Variants in TASOR observed in about 807,000 individuals in gnomAD.
TASOR encodes transcription activation suppressor.
TASOR carries 53 observed loss-of-function variants against 178.6 expected under a neutral mutation model. The observed-to-expected ratio is 0.30, with a 90% confidence interval of 0.24 to 0.37. The LOEUF is 0.37. Ranked by LOEUF, TASOR falls within the 10% of genes least tolerant of loss-of-function variation. The probability of loss-of-function intolerance (pLI) is 1.00; values close to 1 mark genes in which losing one functional copy is unlikely to be tolerated. For synonymous variants in TASOR, 713 were observed against 696.2 expected (o/e 1.02, Z -0.38); for missense variants, 1,815 against 1,971.4 (o/e 0.92, Z 1.50).
In TASOR at chr3:56,632,975, C is replaced by T. The variant is rs143182598; in HGVS notation, c.3747+69G>A. ...CAAAACATTTAAATACAAAAAACTT[C>T]CATTTTATAGAGGTCACACCAACAA... On this transcript the variant is annotated intron_variant, in intron 18 of 23. Coordinates refer to ENST00000683822, the MANE Select transcript of TASOR (RefSeq NM_001365635.2). 5.7e-4 allele frequency: 715 copies of T among 1,260,370 alleles called. 10 individuals are homozygous for T. The African/African-American group carries it at 9.9e-3, about 17-fold the overall frequency. The allele number at this position is 1,260,370 out of a possible 1,614,324, so 78.1% of individuals were successfully genotyped here. A position where few individuals can be genotyped will look rare whatever the true frequency, so the allele number is the denominator to read the frequency against.
intron 18 of TASOR, among the ~76,000 whole-genome samples, chr3:56,631,576 G>GTTTTTTTTT (rs796072760): frequency 9.0e-6 from 1 of 111,016 alleles, no homozygotes. Context: ...GTGTGTCTGT[G>GTTTTTTTTT]TTTTTTTGTT....
chr3:56,627,637 A>G lies in TASOR; in HGVS notation c.3975T>C (p.Ser1325=). ...KNHTYNELFV[S]GGFIVSDESI... is the part of the protein sequence containing the mutation. Reference sequence around the variant, plus strand: ...ATTCATCAGATACGATAAAACCTCCAGATACAAATAATTCATTGTATGTAT... The same window carrying G: ...ATTCATCAGATACGATAAAACCTCCGGATACAAATAATTCATTGTATGTAT... Residue 1325 remains serine, a synonymous_variant, in exon 20 of 24, where the codon TCT becomes TCC. Transcript: ENST00000683822. 6.2e-7 allele frequency: 1 copy of G among 1,614,140 alleles called. No homozygotes were observed. Among genetic ancestry groups the G allele is most frequent in the East Asian group, 2.2e-5 (1 of 44,872 alleles).
intron 11 of TASOR, among the ~76,000 whole-genome samples, chr3:56,658,357 A>C (rs910218388): frequency 6.6e-6 from 1 of 152,172 alleles, no homozygotes; most frequent in Non-Finnish European, 1.5e-5. Flanking sequence ...TGATCCTCAT[A>C]TCAGTAACCG....
intron 15 of TASOR, among the ~76,000 whole-genome samples, chr3:56,640,530 G>A (rs1301378889): frequency 6.6e-6 from 1 of 151,924 alleles, no homozygotes; most frequent in Non-Finnish European, 1.5e-5. Flanking sequence ...AAATACAAAA[G>A]ATATCAGAAA....
At chr3:56,666,993 A>G (rs908027182) in intron 6 of TASOR, among the ~76,000 whole-genome samples, 1 of 152,212 alleles carries the variant, frequency 6.6e-6, no homozygotes, top group Admixed American at 6.5e-5. Context: ...ACAAAGTAGT[A>G]CAGTTCTTCA....
Position 56,622,918 on chromosome 3 carries a change from T to C in TASOR, c.*119A>G. On this transcript the variant is annotated 3_prime_UTR_variant, in exon 24 of 24. Transcript: ENST00000683822. ...ATGCTTCAACTGTTACAGGCCATCA[T>C]GATTTAAATAAAAGAAAAAACATTT... 3.4e-6 allele frequency: 2 copies of C among 592,824 alleles called. No homozygotes were observed. The highest frequency in any genetic ancestry group is 5.5e-6 in the Non-Finnish European group (2 of 360,904). 36.7% of individuals were successfully genotyped at this position (592,824 alleles called of 1,614,324 possible).
In TASOR at chr3:56,633,353, G is replaced by A. The variant is rs756314153; in HGVS notation, c.3438C>T (p.Asn1146=). ...CCGAAGTGGAATGCTGCTCATCAGA[G>A]TTGGTATCTTTCAAAGGATCACTAC... ...PLCSDPLKDT[N]SDEQHSTSAL... The change falls in exon 18 of 24, where the codon AAC becomes AAT. Residue 1146 remains asparagine (N), a synonymous_variant. Transcript: ENST00000683822. The A allele has an allele frequency of 9.3e-6, 15 of 1,614,184 alleles. No individual in the cohort carries two copies. The South Asian group carries it at 1.5e-4, about 17-fold the overall frequency.
At chr3:56,669,636 T>C (rs1315774999) in intron 5 of TASOR, 64 bp downstream of exon 5, 23 of 1,003,650 alleles carry the variant, frequency 2.3e-5, no homozygotes, top group Non-Finnish European at 3.3e-5. Flanking sequence ...AACAGCATCA[T>C]CTAAAAATTA....
intron 21 of TASOR, among the ~76,000 whole-genome samples, chr3:56,626,404 T>C (rs2076800129): frequency 6.6e-6 from 1 of 152,072 alleles, no homozygotes; most frequent in Admixed American, 6.6e-5. Context: ...AAGTAGTCAG[T>C]TGGGAGAGGG....
Position 56,621,534 on chromosome 3 carries a change from C to T in TASOR, c.*1503G>A, listed in dbSNP as rs913980897. ...AACATATATCAATGTGATTTCAGGG[C>T]CTTCTCCAGAAGCAAAAGGAGTTGG... On this transcript the variant is annotated 3_prime_UTR_variant, in exon 24 of 24. Transcript: ENST00000683822. The T allele has an allele frequency of 6.3e-7, 1 of 1,584,960 alleles. No individual in the cohort carries two copies. Among genetic ancestry groups the T allele is most frequent in the Non-Finnish European group, 8.6e-7 (1 of 1,165,512 alleles).
chr3:56,680,811 T>TC (rs1443015737), intron 1 of TASOR, among the ~76,000 whole-genome samples: 3 of 152,130 alleles, frequency 2.0e-5, no homozygotes, highest in African/African-American at 7.2e-5. Flanking sequence ...TATATTTTCC[T>TC]CCCAACTTTT....
intron 15 of TASOR, 79 bp from the exon 16 acceptor site, chr3:56,640,209 A>T: frequency 7.7e-7 from 1 of 1,292,326 alleles, no homozygotes; most frequent in Non-Finnish European, 1.1e-6. Flanking sequence ...TTTCACTGAA[A>T]ATTCACGTGC....
chr3:56,620,496 C>G lies in TASOR; in HGVS notation c.*2541G>C, dbSNP rs1387655131. ...TTAGTTTTGATTCACTATATACTCT[C>G]TGTACTTGAGGAAGAGTAAGCTGTG... On this transcript the variant is annotated 3_prime_UTR_variant, in exon 24 of 24. Transcript: ENST00000683822. 6.6e-6 allele frequency: 1 copy of G among 152,222 alleles called. No individual in the cohort carries two copies. The highest frequency in any genetic ancestry group is 1.5e-5 in the Non-Finnish European group (1 of 68,086). 9.4% of individuals were successfully genotyped at this position (152,222 alleles called of 1,614,324 possible).
intron 18 of TASOR, among the ~76,000 whole-genome samples, chr3:56,629,919 C>G (rs71309971): frequency 0.022 from 3,330 of 151,900 alleles, 69 homozygotes; most frequent in Non-Finnish European, 0.037. Flanking sequence ...CTCAGACCAG[C>G]TTAGTCAGTT....
chr3:56,682,200 T>C (rs1381091634), intron 1 of TASOR, among the ~76,000 whole-genome samples: 1 of 152,190 alleles, frequency 6.6e-6, no homozygotes, highest in Non-Finnish European at 1.5e-5. Flanking sequence ...ATCAAGCACA[T>C]TTCAAGTAGA....
At chr3:56,674,921 C>A (rs970901775) in intron 1 of TASOR, among the ~76,000 whole-genome samples, 1 of 152,142 alleles carries the variant, frequency 6.6e-6, no homozygotes, top group African/African-American at 2.4e-5. Flanking sequence ...AAGGTACACA[C>A]CATTCTCCTG....
chr3:56,626,021 T>G (rs1196805100), intron 21 of TASOR, among the ~76,000 whole-genome samples: 1 of 152,256 alleles, frequency 6.6e-6, no homozygotes, highest in Non-Finnish European at 1.5e-5. Context: ...AAAAATTATT[T>G]AAGCCTTAAT....
intron 1 of TASOR, among the ~76,000 whole-genome samples, chr3:56,676,989 ATT>A (rs1283083316): frequency 6.6e-6 from 1 of 152,218 alleles, no homozygotes; most frequent in Non-Finnish European, 1.5e-5. Context: ...GCCGGTTATA[ATT>A]TCTCATTTTT....
At chr3:56,680,221 C>T (rs2107647275) in intron 1 of TASOR, among the ~76,000 whole-genome samples, 1 of 152,284 alleles carries the variant, frequency 6.6e-6, no homozygotes, top group South Asian at 2.1e-4. Context: ...TACCTAACTT[C>T]TCAGTACTTT....
Sources: gnomAD v4.1 joint callset for allele counts (sites outside exome capture counted in the v4.1 genomes callset) on GRCh38, gnomAD v4.1.1 for gene constraint, MANE v1.5 for transcripts, NCBI Gene and HGNC (gene_info 2026-07-23, HGNC 2026-07-21) for gene names.